SPATA7: variants seen among roughly 807,000 people sequenced by gnomAD.
The protein encoded by SPATA7 is spermatogenesis-associated protein 7.
Under a neutral mutation model 51.8 loss-of-function variants are expected in SPATA7, and 43 were observed. The ratio of observed to expected loss-of-function variants is 0.83; its 90% CI spans 0.65 to 1.07. SPATA7 has a LOEUF of 1.07. Among genes scored for constraint, SPATA7 ranks in the 50% least tolerant of loss-of-function variants. SPATA7 has a pLI of 0.00. For missense variants in SPATA7, 683 were observed against 701.3 expected (o/e 0.97, Z 0.30); for synonymous variants, 230 against 252.8 (o/e 0.91, Z 0.86).
At chr14:88,458,899 C>T (rs1270101442), downstream of SPATA7, among the ~76,000 whole-genome samples, 2 of 152,172 alleles carry the variant, frequency 1.3e-5, no homozygotes, top group Non-Finnish European at 2.9e-5. Context: ...TTAAATGTGT[C>T]CCAGAGATTC....
intron 11 of SPATA7, 56 bp downstream of exon 11, chr14:88,437,653 G>A (rs2077126273): frequency 2.0e-6 from 3 of 1,465,316 alleles, no homozygotes; most frequent in African/African-American, 2.8e-5. Flanking sequence ...ATAATTGTAT[G>A]GTTTTTTTCA....
At chr14:88,445,202 T>C (rs2077203426) in intron 3 of SPATA7, among the ~76,000 whole-genome samples, 1 of 150,580 alleles carries the variant, frequency 6.6e-6, no homozygotes, top group African/African-American at 2.5e-5. Flanking sequence ...GTCCTTCACA[T>C]CCCTTGTAAG....
In SPATA7 at chr14:88,420,875, G is replaced by A. The variant is rs1404846759; in HGVS notation, c.372+4031G>A. Among the ~76,000 whole-genome samples the A allele has an allele frequency of 2.6e-5, 4 of 152,128 alleles. No homozygotes were observed. In the East Asian group the frequency reaches 5.8e-4, roughly 22 times the overall value. On this transcript the variant is annotated intron_variant, in intron 5 of 11. Coordinates refer to ENST00000393545, the MANE Select transcript of SPATA7 (RefSeq NM_018418.5). ...CCACACCTGTAATCCCAGCACTTTG[G>A]GAGGCCAAGGTGGGTGGATCACCAG...
intron 4 of SPATA7, among the ~76,000 whole-genome samples, chr14:88,464,510 C>T (rs1021730260): frequency 1.3e-5 from 2 of 152,054 alleles, no homozygotes; most frequent in Non-Finnish European, 2.9e-5. Context: ...GCTGGCAGAT[C>T]CCCTGAGGTC....
chr14:88,412,715 G>A (rs759515544), intron 4 of SPATA7, among the ~76,000 whole-genome samples: 4 of 152,172 alleles, frequency 2.6e-5, no homozygotes, highest in Admixed American at 1.3e-4. Flanking sequence ...TTTGTCAGAT[G>A]CATAGTTTAC....
chr14:88,396,468 A>G (rs1412227854), intron 4 of SPATA7, among the ~76,000 whole-genome samples: 2 of 152,186 alleles, frequency 1.3e-5, no homozygotes, highest in Non-Finnish European at 2.9e-5. Context: ...TACTGTCACC[A>G]TTGTACTTAC....
rs767745816 is a variant in SPATA7 at position 88,416,760 on chromosome 14, T to A, written c.288T>A (p.Cys96Ter). Reference sequence around the variant, plus strand: ...AACTCAAAAAGGAATTAGCACAATGTGAAAAAGAGTTCAAATTAACTAAAA... The same window carrying A: ...AACTCAAAAAGGAATTAGCACAATGAGAAAAAGAGTTCAAATTAACTAAAA... ...REKLKKELAQ[C>*]EKEFKLTKTA... Residue 96 changes from cysteine (C) to a stop codon, truncating the protein, a stop_gained, in exon 5 of 12, where the codon TGT becomes TGA. Coordinates refer to ENST00000393545, the MANE Select transcript of SPATA7 (RefSeq NM_018418.5). LOFTEE classifies it high-confidence loss of function. The A allele has an allele frequency of 5.1e-5, 82 of 1,613,320 alleles. No homozygotes were observed. Among genetic ancestry groups the A allele is most frequent in the Non-Finnish European group, 6.8e-5 (80 of 1,179,564 alleles).
intron 2 of SPATA7, 167 bp downstream of exon 2, chr14:88,391,622 G>A (rs1287771808): frequency 7.2e-6 from 5 of 698,890 alleles, no homozygotes; most frequent in Non-Finnish European, 1.0e-5. Flanking sequence ...AGAGAATTTT[G>A]GAGTCTATGA....
chr14:88,447,101 A>G (rs1412734512), intron 3 of SPATA7, among the ~76,000 whole-genome samples: 1 of 150,510 alleles, frequency 6.6e-6, no homozygotes, highest in African/African-American at 2.4e-5. Flanking sequence ...GTCTCCCATT[A>G]TTAATGTGTG....
chr14:88,426,119 T>C, intron 5 of SPATA7, 113 bp from the exon 6 acceptor site: 1 of 747,756 alleles, frequency 1.3e-6, no homozygotes, highest in East Asian at 2.7e-5. Context: ...CAGGAACATA[T>C]CAGTTAATTT....
Position 88,426,231 on chromosome 14 carries a change from G to C in SPATA7, c.373-1G>C. The C allele has an allele frequency of 6.2e-7, 1 of 1,610,372 alleles. No individual in the cohort carries two copies. The highest frequency in any genetic ancestry group is 8.5e-7 in the Non-Finnish European group (1 of 1,177,124). ...ATGACTGTCATATCGAATGTTCTTA[G>C]CCCTCAGGCGAACCGCAAATTGAGG... On this transcript the variant is annotated splice_acceptor_variant, in intron 5 of 11. Coordinates refer to ENST00000393545, the MANE Select transcript of SPATA7 (RefSeq NM_018418.5). LOFTEE classifies it high-confidence loss of function.
At chr14:88,422,399 A>G (rs1219069821) in intron 5 of SPATA7, among the ~76,000 whole-genome samples, 2 of 152,120 alleles carry the variant, frequency 1.3e-5, no homozygotes, top group African/African-American at 4.8e-5. Flanking sequence ...CTGTTCCTCA[A>G]TATTTGAATC....
intron 4 of SPATA7, among the ~76,000 whole-genome samples, chr14:88,464,078 A>G (rs1359547950): frequency 2.0e-5 from 3 of 151,940 alleles, no homozygotes; most frequent in African/African-American, 4.8e-5. Flanking sequence ...TGACATCGTG[A>G]TCCACCCGCC....
intron 9 of SPATA7, 112 bp downstream of exon 9, chr14:88,431,337 C>G (rs1189162177): frequency 9.6e-7 from 1 of 1,041,674 alleles, no homozygotes; most frequent in Non-Finnish European, 1.5e-6. Context: ...TTAAAACTGG[C>G]AAGTAATAAA....
At chr14:88,465,117 A>AGAT (rs1285018412) in intron 4 of SPATA7, among the ~76,000 whole-genome samples, 4 of 152,214 alleles carry the variant, frequency 2.6e-5, no homozygotes, top group African/African-American at 9.6e-5. Flanking sequence ...GCTTCACAGT[A>AGAT]GATGTTCCAG....
chr14:88,401,696 G>C (rs1395949427), intron 4 of SPATA7, among the ~76,000 whole-genome samples: 1 of 151,560 alleles, frequency 6.6e-6, no homozygotes, highest in Non-Finnish European at 1.5e-5. Context: ...AATTAACCAG[G>C]CATGGTGACA....
chr14:88,433,000 C>T (rs2140014275), intron 9 of SPATA7, 135 bp from the exon 10 acceptor site: 2 of 664,074 alleles, frequency 3.0e-6, no homozygotes, highest in Non-Finnish European at 5.2e-6. Flanking sequence ...TTGTAATATT[C>T]CCCTTAGTAA....
Position 88,449,005 on chromosome 14 carries a change from A to G in SPATA7, c.178-6055A>G, listed in dbSNP as rs181267006. Among the ~76,000 whole-genome samples, 166 of 152,068 alleles carry G rather than the reference A, an allele frequency of 1.1e-3. 3 individuals carry two copies. In the East Asian group the frequency reaches 0.023, roughly 21 times the overall value. ...TCTATCAATTTCATTTCTCTTTTCA[A>G]AGAACCAGCTCTTTGTTTATCTTTT... On this transcript the variant is annotated intron_variant, in intron 3 of 3. Transcript: ENST00000554802.
intron 1 of SPATA7, 97 bp downstream of exon 1, chr14:88,385,934 T>C (rs1394171105): frequency 2.2e-6 from 3 of 1,394,698 alleles, no homozygotes; most frequent in Admixed American, 2.8e-5. Context: ...AGGCCGCCCC[T>C]TGGGGCGCTT....
Sources: allele counts gnomAD v4.1 joint callset (sites outside exome capture counted in the v4.1 genomes callset), GRCh38; gene constraint gnomAD v4.1.1; transcripts MANE v1.5; gene names NCBI Gene and HGNC (gene_info 2026-07-23, HGNC 2026-07-21).